SUPT3H: variants seen among roughly 807,000 people sequenced by gnomAD.
SUPT3H encodes the protein transcription initiation protein SPT3 homolog.
In SUPT3H, 44 loss-of-function variants were observed where a neutral mutation model predicts 44.3. The observed-to-expected ratio is 0.99, with a 90% confidence interval of 0.78 to 1.28. SUPT3H has a LOEUF of 1.28. SUPT3H is among the 50% of genes most tolerant of loss of function. SUPT3H has a pLI of 0.00. For synonymous variants in SUPT3H, 124 were observed against 125.6 expected (o/e 0.99, Z 0.09); for missense variants, 380 against 387.1 (o/e 0.98, Z 0.15).
chr6:44,983,685 G>C (rs1562197195), intron 6 of SUPT3H, among the ~76,000 whole-genome samples: 1 of 152,134 alleles, frequency 6.6e-6, no homozygotes. Flanking sequence ...AAAGAATGCA[G>C]AGAAACTAAT....
At chr6:45,094,280 G>T (rs569954454) in intron 3 of SUPT3H, among the ~76,000 whole-genome samples, 1 of 151,748 alleles carries the variant, frequency 6.6e-6, no homozygotes, top group Non-Finnish European at 1.5e-5. Context: ...GACCAGCAGA[G>T]AAAAAAAGGA....
chr6:45,263,784 C>T (rs1034292307), intron 2 of SUPT3H, among the ~76,000 whole-genome samples: 2 of 152,072 alleles, frequency 1.3e-5, no homozygotes, highest in African/African-American at 2.4e-5. Flanking sequence ...CCCTTCTCAC[C>T]CCCCAAAAAT....
intron 2 of SUPT3H, among the ~76,000 whole-genome samples, chr6:45,260,746 C>T (rs1447412943): frequency 6.6e-6 from 1 of 152,052 alleles, no homozygotes. Flanking sequence ...AAAATCCTTA[C>T]ACGAATTGCC....
intron 11 of SUPT3H, chr6:44,809,637 C>T (rs1278079090): frequency 6.6e-6 from 1 of 152,158 alleles, no homozygotes; most frequent in African/African-American, 2.4e-5. Flanking sequence ...TAATTAAAAA[C>T]TATTTTTAAA....
In SUPT3H at chr6:45,095,088, A is replaced by T. The variant is rs1295633661; in HGVS notation, c.186+10834T>A. On this transcript the variant is annotated intron_variant, in intron 3 of 10. Transcript: ENST00000371459. The surrounding 1 kb of genome is among the most constrained non-coding windows in gnomAD (Gnocchi z 4.1). The stretch of plus-strand genomic sequence containing the variant: ...ACTACCTCATATTCCATTCATGTAA[A>T]CACAGAGTGTGTTCTGGTTTGCTGA... Among the ~76,000 whole-genome samples, 1 of 152,078 alleles carries T rather than the reference A, an allele frequency of 6.6e-6. No homozygotes were observed. Among genetic ancestry groups the T allele is most frequent in the Non-Finnish European group, 1.5e-5 (1 of 67,980 alleles).
At chr6:45,194,440 G>A (rs770750833) in intron 2 of SUPT3H, among the ~76,000 whole-genome samples, 8 of 152,156 alleles carry the variant, frequency 5.3e-5, no homozygotes, top group African/African-American at 1.7e-4. Flanking sequence ...ACAAAATACA[G>A]AAATCATAAG....
At chr6:45,221,611 T>A (rs182899920) in intron 2 of SUPT3H, among the ~76,000 whole-genome samples, 1 of 152,240 alleles carries the variant, frequency 6.6e-6, no homozygotes, top group African/African-American at 2.4e-5. Context: ...CAGTTTATGT[T>A]CATAGATTAG....
chr6:44,909,148 T>C (rs868851932), intron 10 of SUPT3H, among the ~76,000 whole-genome samples: 1 of 142,374 alleles, frequency 7.0e-6, no homozygotes, highest in Non-Finnish European at 1.6e-5. Context: ...TGTGCGTGTG[T>C]GTGTGTGTGT....
intron 2 of SUPT3H, among the ~76,000 whole-genome samples, chr6:45,200,238 CATA>C (rs770947452): frequency 9.2e-4 from 140 of 151,462 alleles, no homozygotes; most frequent in Middle Eastern, 3.4e-3. Context: ...AAAATGTAAA[CATA>C]ATGAGTGCTG....
rs139999199 is a variant in SUPT3H at position 44,830,176 on chromosome 6, T to A, written c.913-319A>T. On this transcript the variant is annotated intron_variant, in intron 10 of 10. Transcript: ENST00000371459. ...TGAATCTGTTTGTCTTTTATAAACA[T>A]GTGTTCTCTATTCGATATGCTCAGG... Among the ~76,000 whole-genome samples the A allele has an allele frequency of 1.3e-3, 201 of 152,328 alleles. 2 individuals are homozygous for A. Among genetic ancestry groups the A allele is most frequent in the Non-Finnish European group, 2.4e-3 (165 of 68,014 alleles).
intron 3 of SUPT3H, among the ~76,000 whole-genome samples, chr6:45,022,205 G>A (rs1785238222): frequency 6.6e-6 from 1 of 151,872 alleles, no homozygotes; most frequent in Non-Finnish European, 1.5e-5. Flanking sequence ...ACACTATACA[G>A]ACACATGTAA....
chr6:44,945,695 G>A (rs1397694726), intron 9 of SUPT3H, among the ~76,000 whole-genome samples: 2 of 146,286 alleles, frequency 1.4e-5, no homozygotes, highest in Non-Finnish European at 3.1e-5. Flanking sequence ...AGAAAAGTTA[G>A]AGGCTACCAG....
chr6:45,333,384 T>C (rs1376805194), intron 2 of SUPT3H, among the ~76,000 whole-genome samples: 1 of 151,618 alleles, frequency 6.6e-6, no homozygotes, highest in Non-Finnish European at 1.5e-5. Flanking sequence ...AAGACCTGTA[T>C]AGCAATTCAG....
At chr6:44,953,762 G>A (rs1415876637) in intron 8 of SUPT3H, among the ~76,000 whole-genome samples, 32 of 151,874 alleles carry the variant, frequency 2.1e-4, no homozygotes, top group Admixed American at 1.9e-3. Context: ...ATGGAGTTTC[G>A]CTCTTGTTGC....
chr6:44,870,925 T>A (rs1014933738), intron 10 of SUPT3H, among the ~76,000 whole-genome samples: 2 of 151,476 alleles, frequency 1.3e-5, no homozygotes, highest in Admixed American at 1.3e-4. Flanking sequence ...CACCCGAATA[T>A]TGCGCTTTTC....
intron 11 of SUPT3H, among the ~76,000 whole-genome samples, chr6:44,818,317 C>T (rs1262094920): frequency 6.6e-6 from 1 of 151,612 alleles, no homozygotes; most frequent in African/African-American, 2.4e-5. Flanking sequence ...TATACAAAGT[C>T]AAAATAAATA....
chr6:44,860,611 G>A (rs1179532257), intron 10 of SUPT3H, among the ~76,000 whole-genome samples: 2 of 152,120 alleles, frequency 1.3e-5, no homozygotes. Context: ...TACTATTTAA[G>A]CAAGGTCAGT....
intron 2 of SUPT3H, among the ~76,000 whole-genome samples, chr6:45,245,591 T>A (rs1056921569): frequency 1.3e-5 from 2 of 152,288 alleles, no homozygotes; most frequent in South Asian, 4.1e-4. Context: ...TCTAAAATTA[T>A]CCATGACGCA....
chr6:44,995,863 T>A (rs1017568214), intron 6 of SUPT3H, among the ~76,000 whole-genome samples: 24 of 151,996 alleles, frequency 1.6e-4, no homozygotes, highest in African/African-American at 5.6e-4. Context: ...ACAGCATAAA[T>A]TTATAAATTC....
Sources: allele counts gnomAD v4.1 joint callset (sites outside exome capture counted in the v4.1 genomes callset), GRCh38; gene constraint gnomAD v4.1.1; non-coding constraint Gnocchi (gnomAD v3.1); transcripts MANE v1.5; gene names NCBI Gene and HGNC (gene_info 2026-07-23, HGNC 2026-07-21).